Variants in GNA14 observed in about 807,000 individuals in gnomAD.
GNA14 encodes the protein guanine nucleotide-binding protein subunit alpha-14.
In GNA14, 50 loss-of-function variants were observed where a neutral mutation model predicts 42.0. The observed-to-expected ratio is 1.19, with a 90% CI of 0.95 to 1.51. GNA14 has a LOEUF of 1.51. Among genes scored for constraint, GNA14 ranks in the 40% most tolerant of loss-of-function variants. The probability of loss-of-function intolerance (pLI) is 0.00; values close to 1 mark genes in which losing one functional copy is unlikely to be tolerated. For synonymous variants in GNA14, 173 were observed against 163.1 expected, an observed-to-expected ratio of 1.06 and a Z score of -0.46; for missense variants, 473 against 446.2, an observed-to-expected ratio of 1.06 and a Z score of -0.54.
chr9:77,537,074 T>C (rs976118155), intron 1 of GNA14, among the ~76,000 whole-genome samples: 4 of 152,176 alleles, frequency 2.6e-5, no homozygotes, highest in Non-Finnish European at 5.9e-5. Flanking sequence ...TGTCTCTGTG[T>C]CAGTAACATT....
intron 2 of GNA14, among the ~76,000 whole-genome samples, chr9:77,458,745 G>A (rs1836051097): frequency 6.6e-6 from 1 of 152,106 alleles, no homozygotes; most frequent in Admixed American, 6.6e-5. Context: ...GCTTTTCTCT[G>A]GCTTTCAAAG....
At chr9:77,489,885 C>G (rs1408658497) in intron 2 of GNA14, among the ~76,000 whole-genome samples, 3 of 152,122 alleles carry the variant, frequency 2.0e-5, no homozygotes, top group Non-Finnish European at 4.4e-5. Flanking sequence ...AACAAAGCTT[C>G]CACAATGTGG....
At chr9:77,518,437 G>A (rs1156552263) in intron 2 of GNA14, among the ~76,000 whole-genome samples, 1 of 151,996 alleles carries the variant, frequency 6.6e-6, no homozygotes, top group Non-Finnish European at 1.5e-5. Context: ...AGACATTCTA[G>A]ATCAACACAA....
chr9:77,639,485 C>A (rs1268116562), intron 1 of GNA14, among the ~76,000 whole-genome samples: 1 of 152,232 alleles, frequency 6.6e-6, no homozygotes, highest in East Asian at 1.9e-4. Context: ...AACATGCTAA[C>A]CGCTGTGTCA....
At chr9:77,455,071 T>C (rs531150406) in intron 2 of GNA14, among the ~76,000 whole-genome samples, 2 of 152,314 alleles carry the variant, frequency 1.3e-5, no homozygotes, top group African/African-American at 4.8e-5. Context: ...GGGTTCTCTG[T>C]GCAAGGTCTC....
intron 2 of GNA14, among the ~76,000 whole-genome samples, chr9:77,447,300 C>T (rs1002396216): frequency 1.3e-5 from 2 of 152,142 alleles, no homozygotes; most frequent in African/African-American, 4.8e-5. Flanking sequence ...TTCTGCCACC[C>T]TACCTCACAG....
chr9:77,635,232 T>A (rs1007969160), intron 1 of GNA14: 1 of 152,172 alleles, frequency 6.6e-6, no homozygotes, highest in Non-Finnish European at 1.5e-5. Context: ...TGAATCTGCA[T>A]GTCATCCTTG....
intron 1 of GNA14, among the ~76,000 whole-genome samples, chr9:77,540,525 G>C (rs1029313538): frequency 6.6e-6 from 1 of 152,098 alleles, no homozygotes; most frequent in African/African-American, 2.4e-5. Flanking sequence ...ATGTTTCTTT[G>C]TTGATTTTCT....
rs3052394 is a variant in GNA14 at position 77,581,002 on chromosome 9, G to GCACACACA, written c.125-51757_125-51750dup. On this transcript the variant is annotated intron_variant, in intron 1 of 6. Coordinates refer to ENST00000341700, the MANE Select transcript of GNA14 (RefSeq NM_004297.4). ...TTCAATGCTTAAAGATACAATAAAG[G>GCACACACA]CACACACACACACACACACACACAC... Among the ~76,000 whole-genome samples the GCACACACA allele has an allele frequency of 4.7e-3, 677 of 144,386 alleles. 6 individuals carry two copies. Among genetic ancestry groups the GCACACACA allele is most frequent in the African/African-American group, 0.016 (622 of 39,104 alleles). The allele number at this position is 144,386 out of a possible 152,430, so 94.7% of individuals were successfully genotyped here.
In GNA14 at chr9:77,567,484, G is replaced by C. The variant is rs182831060; in HGVS notation, c.125-38231C>G. ...CAGTATAGCAGGCAAAATAAGATGA[G>C]AGCTACAAATAATTACAGTTAATTC... On this transcript the variant is annotated intron_variant, in intron 1 of 6. Coordinates refer to ENST00000341700, the MANE Select transcript of GNA14 (RefSeq NM_004297.4). Among the ~76,000 whole-genome samples the C allele has an allele frequency of 4.8e-3, 726 of 152,262 alleles. 2 individuals are homozygous for C. Among genetic ancestry groups the C allele is most frequent in the Non-Finnish European group, 8.0e-3 (544 of 68,016 alleles).
chr9:77,479,648 C>G (rs1000264013), intron 2 of GNA14, among the ~76,000 whole-genome samples: 1 of 152,112 alleles, frequency 6.6e-6, no homozygotes. Context: ...GGCAGTATGG[C>G]CATTTTCACG....
At chr9:77,635,273 A>T (rs1824165815) in intron 1 of GNA14, 1 of 151,830 alleles carries the variant, frequency 6.6e-6, no homozygotes, top group African/African-American at 2.4e-5. Flanking sequence ...TCTGTGTATC[A>T]CTCCAATTTT....
intron 2 of GNA14, among the ~76,000 whole-genome samples, chr9:77,513,897 G>A (rs1010382899): frequency 1.3e-5 from 2 of 151,566 alleles, no homozygotes; most frequent in African/African-American, 4.8e-5. Flanking sequence ...TGATGAAAAG[G>A]GTATTATCTA....
intron 2 of GNA14, among the ~76,000 whole-genome samples, chr9:77,514,033 C>G (rs1837211106): frequency 6.6e-6 from 1 of 151,894 alleles, no homozygotes; most frequent in Non-Finnish European, 1.5e-5. Context: ...ACAGACTTAA[C>G]TTTTCCTGGA....
At chr9:77,471,893 A>G (rs552727554) in intron 2 of GNA14, among the ~76,000 whole-genome samples, 1 of 152,358 alleles carries the variant, frequency 6.6e-6, no homozygotes, top group African/African-American at 2.4e-5. Flanking sequence ...ATGAGCAGGT[A>G]TAAACAAATA....
At chr9:77,553,653 G>T (rs1837811862) in intron 1 of GNA14, among the ~76,000 whole-genome samples, 1 of 151,954 alleles carries the variant, frequency 6.6e-6, no homozygotes, top group African/African-American at 2.4e-5. Context: ...CAGTGTTAAT[G>T]GGCATATGAG....
Position 77,477,012 on chromosome 9 carries a change from C to CCAGAAGACATA in GNA14, c.310-42501_310-42491dup, listed in dbSNP as rs1416935590. ...AGGATTCTGTAATTTGCTCCCTCAG[C>CCAGAAGACATA]CAGAAGACATACAGGCACCAAGTAT... is the stretch of plus-strand genomic sequence containing the variant. On this transcript the variant is annotated intron_variant, in intron 2 of 6. Transcript: ENST00000341700. Among the ~76,000 whole-genome samples, 13 of 152,252 alleles carry CCAGAAGACATA rather than the reference C, an allele frequency of 8.5e-5. No homozygotes were observed. In the East Asian group the frequency reaches 2.5e-3, roughly 29 times the overall value.
At chr9:77,458,961 T>C (rs1308303652) in intron 2 of GNA14, among the ~76,000 whole-genome samples, 2 of 151,154 alleles carry the variant, frequency 1.3e-5, no homozygotes, top group Admixed American at 1.3e-4. Context: ...CACCTCCTCA[T>C]GGCACTCTGT....
At chr9:77,560,475 G>A (rs769278227) in intron 1 of GNA14, among the ~76,000 whole-genome samples, 8 of 151,726 alleles carry the variant, frequency 5.3e-5, no homozygotes, top group Non-Finnish European at 1.2e-4. Flanking sequence ...TTTTTTGTTT[G>A]TTTGTTTGGT....
Sources: gnomAD v4.1 joint callset for allele counts (sites outside exome capture counted in the v4.1 genomes callset) on GRCh38, gnomAD v4.1.1 for gene constraint, MANE v1.5 for transcripts, NCBI Gene and HGNC (gene_info 2026-07-23, HGNC 2026-07-21) for gene names.